The following KLK6 variants were observed in gnomAD, a reference collection of about 807,000 sequenced individuals.
KLK6 encodes kallikrein-6.
KLK6 carries 16 observed loss-of-function variants against 21.7 expected under a neutral mutation model. The ratio of observed to expected loss-of-function variants is 0.74; its 90% CI spans 0.50 to 1.12. The LOEUF (loss-of-function observed/expected upper bound fraction) is 1.12, where lower values mean the gene tolerates loss of function less well. KLK6 is among the 50% of genes most tolerant of loss of function. KLK6 has a pLI of 0.00. For missense variants in KLK6, 276 were observed against 304.6 expected, an observed-to-expected ratio of 0.91 and a Z score of 0.70; for synonymous variants, 116 against 120.1, an observed-to-expected ratio of 0.97 and a Z score of 0.22.
chr19:50,968,489 A>G (rs1014876861), intron 2 of KLK6, 52 bp downstream of exon 2: 13 of 261,428 alleles, frequency 5.0e-5, no homozygotes, highest in Non-Finnish European at 8.1e-5. Context: ...TCTGTGCGCA[A>G]TGGCCACCCA....
At chr19:50,962,089 C>CA (rs1162909696) in intron 5 of KLK6, 1 of 509,294 alleles carries the variant, frequency 2.0e-6, no homozygotes. Context: ...TCTTCCCCCC[C>CA]ATTGGCTGTC....
intron 6 of KLK6, among the ~76,000 whole-genome samples, chr19:50,959,913 G>C: frequency 1.4e-5 from 1 of 71,716 alleles, no homozygotes; most frequent in African/African-American, 6.2e-5. Context: ...AGAAGGAAGA[G>C]GAGGAGAAGA....
intron 6 of KLK6, among the ~76,000 whole-genome samples, chr19:50,960,112 G>A (rs2090816233): frequency 1.1e-5 from 1 of 90,820 alleles, no homozygotes; most frequent in Admixed American, 1.0e-4. Context: ...GGGGGAGGAG[G>A]ATGGAGAGGG....
At chr19:50,959,405 G>GTGTGTGTT in intron 6 of KLK6, 89 bp from the exon 7 acceptor site, 1 of 1,133,366 alleles carries the variant, frequency 8.8e-7, no homozygotes, top group Non-Finnish European at 1.2e-6. Context: ...GTGTGTGTGT[G>GTGTGTGTT]TGTGACAGAG....
chr19:50,959,365 G>C (rs1194493719), intron 6 of KLK6, 49 bp from the exon 7 acceptor site: 3 of 132,284 alleles, frequency 2.3e-5, no homozygotes, highest in Non-Finnish European at 3.1e-5. Flanking sequence ...CCCAGAGACT[G>C]TGTGTGTGTG....
At chr19:50,963,202 A>C (rs2090870678) in intron 5 of KLK6, 100 bp downstream of exon 5, 3 of 1,496,714 alleles carry the variant, frequency 2.0e-6, no homozygotes, top group Non-Finnish European at 2.7e-6. Flanking sequence ...CCATTAGCCC[A>C]TCTTCCCATG....
rs368606448 is a variant in KLK6, at chr19:50,967,231, C to T, written c.135G>A (p.Leu45=). The T allele has an allele frequency of 2.4e-5, 39 of 1,614,032 alleles. No homozygotes were observed. The highest frequency in any genetic ancestry group is 3.2e-5 in the Non-Finnish European group (38 of 1,180,024). The change falls in exon 4 of 7, where the codon TTG becomes TTA. Residue 45 remains leucine (L), a synonymous_variant. Transcript: ENST00000310157. ...GATGGATAAGGACCCCACCACAGAG[C>T]AAGTGGCCCGAGGTGTAGAGGGCAG... ...YQAALYTSGH[L]LCGGVLIHPL...
intron 5 of KLK6, 105 bp from the exon 6 acceptor site, chr19:50,961,985 T>C: frequency 3.3e-6 from 4 of 1,228,564 alleles, no homozygotes; most frequent in Non-Finnish European, 4.4e-6. Context: ...TATTGGTCCC[T>C]CTTTTCTATT....
intron 4 of KLK6, 199 bp from the exon 5 acceptor site, chr19:50,963,748 TC>T: frequency 1.6e-6 from 1 of 610,572 alleles, no homozygotes; most frequent in Non-Finnish European, 2.8e-6. Context: ...ATCCAAGCTG[TC>T]CAGAATTCCT....
Position 50,966,630 on chromosome 19 carries a change from G to A in KLK6, c.197+539C>T, listed in dbSNP as rs148146775. Among the ~76,000 whole-genome samples the A allele has an allele frequency of 8.5e-5, 13 of 152,240 alleles. 1 individual carries two copies. The highest frequency in any genetic ancestry group is 1.9e-4 in the African/African-American group (8 of 41,548). On this transcript the variant is annotated intron_variant, in intron 4 of 6. Transcript: ENST00000310157. Reference sequence around the variant, plus strand: ...AGCCTGGCCAACATGGTGAAACCCCGTCTCTACCAAACATACAAAAATTAG... The same window carrying A: ...AGCCTGGCCAACATGGTGAAACCCCATCTCTACCAAACATACAAAAATTAG...
intron 4 of KLK6, among the ~76,000 whole-genome samples, chr19:50,963,900 C>T (rs542578264): frequency 5.6e-4 from 85 of 152,236 alleles, no homozygotes; most frequent in African/African-American, 2.0e-3. Flanking sequence ...TGTCTCTGGT[C>T]CCCCACAGTC....
chr19:50,969,495 C>T lies in KLK6; in HGVS notation c.-65G>A, dbSNP rs934224077. 3.9e-5 allele frequency: 6 copies of T among 152,542 alleles called. No individual in the cohort carries two copies. Among genetic ancestry groups the T allele is most frequent in the Non-Finnish European group, 5.8e-5 (4 of 68,394 alleles). The allele number at this position is 152,542 out of a possible 1,614,324, so 9.4% of individuals were successfully genotyped here. A position where few individuals can be genotyped will look rare whatever the true frequency, so the allele number is the denominator to read the frequency against. On this transcript the variant is annotated 5_prime_UTR_variant, in exon 1 of 7. Transcript: ENST00000310157. ...GGTTGGGGTGACTCACACACCTGCC[C>T]GTAGGTCCCTCTGTGTGCTGCCTGC...
At chr19:50,961,660 G>GA in intron 6 of KLK6, 84 bp downstream of exon 6, 1 of 1,523,482 alleles carries the variant, frequency 6.6e-7, no homozygotes, top group East Asian at 2.3e-5. Flanking sequence ...TTTGGCCTGT[G>GA]TCTCTCTCTT....
At position 50,963,470 on chromosome 19, in the gene KLK6, C is replaced by G; in HGVS notation, c.277G>C (p.Val93Leu). Reference sequence around the variant, plus strand: ...GCGGCATCATAGTCAGGGTGGATCACAGCCCGGACAACAGAACTCTGCTCC... The same window carrying G: ...GCGGCATCATAGTCAGGGTGGATCAGAGCCCGGACAACAGAACTCTGCTCC... ...SQEQSSVVRA[V>L]IHPDYDAASH... is the part of the protein sequence containing the mutation. The change falls in exon 5 of 7, where the codon GTG (valine) becomes CTG (leucine). Residue 93 changes from valine (V) to leucine (L), a missense_variant. Transcript: ENST00000310157. 6.2e-7 allele frequency: 1 copy of G among 1,614,192 alleles called. No homozygotes were observed. The highest frequency in any genetic ancestry group is 1.3e-5 in the African/African-American group (1 of 75,044).
chr19:50,968,032 C>T (rs372534620), intron 3 of KLK6, 33 bp downstream of exon 3: 10 of 1,608,870 alleles, frequency 6.2e-6, no homozygotes, highest in Non-Finnish European at 7.7e-6. Flanking sequence ...ACCCTGTCTG[C>T]AAGCCTCCCC....
chr19:50,967,607 G>A (rs2090948185), intron 3 of KLK6, among the ~76,000 whole-genome samples: 1 of 151,404 alleles, frequency 6.6e-6, no homozygotes, highest in African/African-American at 2.4e-5. Context: ...GGAGGCTGAG[G>A]TGGGAGGGTC....
intron 2 of KLK6, 130 bp downstream of exon 2, chr19:50,968,411 C>T: frequency 2.1e-6 from 1 of 481,820 alleles, no homozygotes; most frequent in Non-Finnish European, 3.8e-6. Context: ...TTCCTGTCGA[C>T]AGGAGAGGGT....
rs1441836080 is a variant in KLK6, at chr19:50,963,322, C to A, written c.425G>T (p.Gly142Val). ...CTGACCATCTGCTGTCTTGCCCCAG[C>A]CCAGGATGTGGCAGCTGGTGGTGTT... ...SANTTSCHIL[G>V]WGKTADGDFP... The change falls in exon 5 of 7, where the codon GGC becomes GTC. Residue 142 changes from glycine to valine, a missense_variant. Coordinates refer to ENST00000310157, the MANE Select transcript of KLK6 (RefSeq NM_002774.4). 1.9e-6 allele frequency: 3 copies of A among 1,613,792 alleles called. No homozygotes were observed. Among genetic ancestry groups the A allele is most frequent in the African/African-American group, 2.7e-5 (2 of 74,922 alleles).
intron 6 of KLK6, among the ~76,000 whole-genome samples, chr19:50,959,765 AG>A (rs1316817228): frequency 1.2e-4 from 2 of 17,332 alleles, no homozygotes; most frequent in Non-Finnish European, 1.9e-4. Context: ...GAGGAAGAGG[AG>A]AAGGAGGAGG....
Sources: allele counts gnomAD v4.1 joint callset (sites outside exome capture counted in the v4.1 genomes callset), GRCh38; gene constraint gnomAD v4.1.1; transcripts MANE v1.5; gene names NCBI Gene and HGNC (gene_info 2026-07-23, HGNC 2026-07-21).